The following TTC23 variants were observed in gnomAD, a reference collection of about 807,000 sequenced individuals.
The protein encoded by TTC23 is tetratricopeptide repeat domain 23, also known as tetratricopeptide repeat protein 23.
A neutral mutation model predicts 55.1 loss-of-function variants in TTC23; 58 were observed. The ratio of observed to expected loss-of-function variants is 1.05; its 90% CI spans 0.85 to 1.31. TTC23 has a LOEUF of 1.31. Among genes scored for constraint, TTC23 ranks in the 50% most tolerant of loss-of-function variants. The probability of loss-of-function intolerance (pLI) is 0.00; values close to 1 mark genes in which losing one functional copy is unlikely to be tolerated. For synonymous variants in TTC23, 203 were observed against 199.9 expected (o/e 1.02, Z -0.13); for missense variants, 516 against 534.4 (o/e 0.97, Z 0.34).
intron 4 of TTC23, among the ~76,000 whole-genome samples, chr15:99,230,431 C>T (rs1462357777): frequency 2.0e-5 from 3 of 152,040 alleles, no homozygotes; most frequent in Non-Finnish European, 4.4e-5. Context: ...GGACAGAAAA[C>T]ATATTTGAAG....
chr15:99,237,718 T>A (rs2079437542), intron 3 of TTC23, among the ~76,000 whole-genome samples: 1 of 152,120 alleles, frequency 6.6e-6, no homozygotes, highest in African/African-American at 2.4e-5. Context: ...ACAAGGGGCA[T>A]GAGGAAACTT....
At chr15:99,172,500 G>A (rs774686138) in intron 10 of TTC23, among the ~76,000 whole-genome samples, 13 of 152,164 alleles carry the variant, frequency 8.5e-5, no homozygotes, top group Admixed American at 2.0e-4. Flanking sequence ...AAGGTGGGAG[G>A]AGACATGTGA....
At position 99,168,325 on chromosome 15, in the gene TTC23, G is replaced by A. The variant is rs566537990; in HGVS notation, c.866-6458C>T. Among the ~76,000 whole-genome samples, 30 of 152,298 alleles carry A rather than the reference G, an allele frequency of 2.0e-4. No individual in the cohort carries two copies. In the South Asian group the frequency reaches 3.3e-3, roughly 17 times the overall value. On this transcript the variant is annotated intron_variant, in intron 10 of 13. Transcript: ENST00000394132. ...CAGAGTGCCCACACAGGGCCTGGTC[G>A]CCATTGGGATCTGCCTGCCTTAAGT...
intron 11 of TTC23, chr15:99,160,896 C>T (rs1478418131): frequency 6.6e-6 from 1 of 151,714 alleles, no homozygotes; most frequent in Admixed American, 6.6e-5. Context: ...GGCCTGTAAT[C>T]CCAGCTACTC....
chr15:99,153,139 C>T (rs1472992192), intron 12 of TTC23, among the ~76,000 whole-genome samples: 3 of 152,210 alleles, frequency 2.0e-5, no homozygotes, highest in Admixed American at 6.5e-5. Context: ...CATGGGCAAA[C>T]GCAGGGAACC....
intron 9 of TTC23, among the ~76,000 whole-genome samples, chr15:99,191,408 G>A (rs75199986): frequency 6.6e-6 from 1 of 152,284 alleles, no homozygotes; most frequent in African/African-American, 2.4e-5. Flanking sequence ...AGTGAATTTT[G>A]TCAGGAGAAA....
intron 1 of TTC23, among the ~76,000 whole-genome samples, chr15:99,246,868 C>T (rs1023855556): frequency 2.0e-5 from 3 of 152,008 alleles, no homozygotes; most frequent in African/African-American, 7.2e-5. Flanking sequence ...TGCAGTGGGC[C>T]GAGATCGTGG....
At chr15:99,145,373 T>A (rs1168512410) in intron 12 of TTC23, 1 of 152,126 alleles carries the variant, frequency 6.6e-6, no homozygotes, top group Non-Finnish European at 1.5e-5. Flanking sequence ...CAACTTGTGA[T>A]AAGAGCTACA....
rs2080152000 is a variant in TTC23 at position 99,245,382 on chromosome 15, T to C, written c.-309+7A>G. On this transcript the variant is annotated splice_region_variant and intron_variant, in intron 2 of 13. Coordinates refer to ENST00000394132, the MANE Select transcript of TTC23 (RefSeq NM_001288615.3). ...CAAAAAATTTAGCCAGATTTGGTGATAAGTACCTGTAATTCCAGCTACTCG... is the reference window on the plus strand; with the variant it reads ...CAAAAAATTTAGCCAGATTTGGTGACAAGTACCTGTAATTCCAGCTACTCG... 6.6e-6 allele frequency: 1 copy of C among 152,150 alleles called. No homozygotes were observed. Among genetic ancestry groups the C allele is most frequent in the African/African-American group, 2.4e-5 (1 of 41,360 alleles). 9.4% of individuals were successfully genotyped at this position (152,150 alleles called of 1,614,324 possible). A position where few individuals can be genotyped will look rare whatever the true frequency, so the allele number is the denominator to read the frequency against.
chr15:99,235,002 C>G lies in TTC23; in HGVS notation c.-35G>C, dbSNP rs150773419. On this transcript the variant is annotated 5_prime_UTR_variant, in exon 4 of 14. Transcript: ENST00000394132. Reference sequence around the variant, plus strand: ...GTGGCTCATACCTGTAATCCCAGCACTCTGGGAGGTGGAGGCGGGAGGGTC... The same window carrying G: ...GTGGCTCATACCTGTAATCCCAGCAGTCTGGGAGGTGGAGGCGGGAGGGTC... 57 of 151,884 alleles carry G rather than the reference C, an allele frequency of 3.8e-4. No individual in the cohort carries two copies. Among genetic ancestry groups the G allele is most frequent in the African/African-American group, 1.3e-3 (54 of 41,446 alleles). The allele number at this position is 151,884 out of a possible 1,614,324, so 9.4% of individuals were successfully genotyped here. A position where few individuals can be genotyped will look rare whatever the true frequency, so the allele number is the denominator to read the frequency against.
At chr15:99,250,224 G>C (rs990855592), upstream of TTC23, among the ~76,000 whole-genome samples, 3 of 152,054 alleles carry the variant, frequency 2.0e-5, no homozygotes, top group Non-Finnish European at 4.4e-5. Context: ...TAGGTATTCC[G>C]AAACTATCTT....
At chr15:99,245,737 T>C (rs1393070388) in intron 1 of TTC23, among the ~76,000 whole-genome samples, 1 of 151,656 alleles carries the variant, frequency 6.6e-6, no homozygotes, top group Non-Finnish European at 1.5e-5. Flanking sequence ...TATACAAAAA[T>C]TAACTCCAAA....
intron 8 of TTC23, among the ~76,000 whole-genome samples, chr15:99,200,836 G>A (rs956497761): frequency 6.6e-6 from 1 of 152,186 alleles, no homozygotes. Context: ...GCACCAACAG[G>A]AGACTGTGCA....
rs117073787 is a variant in TTC23, at chr15:99,241,941, G to T, written c.-308-382C>A. Among the ~76,000 whole-genome samples the T allele has an allele frequency of 5.4e-4, 82 of 152,256 alleles. No individual in the cohort carries two copies. The East Asian group carries it at 0.015, about 28-fold the overall frequency. ...CTTGAGCCGAGGAGTTCAAGGTCAGGCTGGGCAACATGTCAAAACCCCGTC... is the reference window on the plus strand; with the variant it reads ...CTTGAGCCGAGGAGTTCAAGGTCAGTCTGGGCAACATGTCAAAACCCCGTC... On this transcript the variant is annotated intron_variant, in intron 2 of 13. Coordinates refer to ENST00000394132, the MANE Select transcript of TTC23 (RefSeq NM_001288615.3).
At chr15:99,171,557 GTCT>G (rs2072928664) in intron 10 of TTC23, among the ~76,000 whole-genome samples, 1 of 118,278 alleles carries the variant, frequency 8.5e-6, no homozygotes, top group South Asian at 2.7e-4. Flanking sequence ...GAGTCTCTCC[GTCT>G]TTTTTTTTTT....
intron 8 of TTC23, among the ~76,000 whole-genome samples, chr15:99,209,860 G>T (rs1283231310): frequency 6.6e-6 from 1 of 152,092 alleles, no homozygotes; most frequent in African/African-American, 2.4e-5. Context: ...TCAGCCTCTG[G>T]AATAGCTGGG....
chr15:99,187,108 A>G (rs1363164013), intron 9 of TTC23, among the ~76,000 whole-genome samples: 1 of 152,142 alleles, frequency 6.6e-6, no homozygotes, highest in Non-Finnish European at 1.5e-5. Flanking sequence ...GTATAAGGAT[A>G]AACATACAGA....
At chr15:99,170,995 G>A (rs937391998) in intron 10 of TTC23, among the ~76,000 whole-genome samples, 4 of 152,214 alleles carry the variant, frequency 2.6e-5, no homozygotes, top group African/African-American at 9.7e-5. Flanking sequence ...ATAGTTTGAG[G>A]GTTCTTCTTG....
intron 2 of TTC23, among the ~76,000 whole-genome samples, chr15:99,242,133 G>GAA (rs35988389): frequency 7.4e-6 from 1 of 134,626 alleles, no homozygotes; most frequent in East Asian, 2.1e-4. Flanking sequence ...TCCTGTCTCA[G>GAA]AAAAAAAAAA....
Sources: allele counts gnomAD v4.1 joint callset (sites outside exome capture counted in the v4.1 genomes callset), GRCh38; gene constraint gnomAD v4.1.1; transcripts MANE v1.5; gene names NCBI Gene and HGNC (gene_info 2026-07-23, HGNC 2026-07-21).